Variants in AGO4 observed in about 807,000 individuals in gnomAD.
AGO4 encodes the protein argonaute RISC component 4.
AGO4 carries 33 observed loss-of-function variants against 104.7 expected under a neutral mutation model. The ratio of observed to expected loss-of-function variants is 0.32; its 90% CI spans 0.24 to 0.42. The LOEUF (loss-of-function observed/expected upper bound fraction) is 0.42. Among genes scored for constraint, AGO4 ranks in the 10% least tolerant of loss-of-function variants. The pLI is 1.00. For synonymous variants in AGO4, 331 were observed against 364.7 expected, an observed-to-expected ratio of 0.91 and a Z score of 1.05; for missense variants, 711 against 1,083.4, an observed-to-expected ratio of 0.66 and a Z score of 4.83.
At chr1:35,830,562 TA>T (rs1275909020) in intron 7 of AGO4, among the ~76,000 whole-genome samples, 3 of 152,258 alleles carry the variant, frequency 2.0e-5, no homozygotes. Context: ...AAATTCTTCT[TA>T]AATTTTAATT....
In AGO4 at chr1:35,833,336, G is replaced by A. The variant is rs189522005; in HGVS notation, c.1380-654G>A. 2.0e-3 allele frequency among the ~76,000 whole-genome samples: 309 copies of A among 152,070 alleles called. 1 individual carries two copies. The highest frequency in any genetic ancestry group is 3.8e-3 in the Non-Finnish European group (257 of 67,964). ...GAAGAGTGAAAAAAAATTAAGAAAA[G>A]GGAACTAGAGTGAAAGAAAGGAATT... On this transcript the variant is annotated intron_variant, in intron 11 of 17. Coordinates refer to ENST00000373210, the MANE Select transcript of AGO4 (RefSeq NM_017629.4).
rs1004506355 is a variant in AGO4 at position 35,841,916 on chromosome 1, A to G, written c.2175+166A>G. Among the ~76,000 whole-genome samples the G allele has an allele frequency of 4.0e-5, 6 of 151,590 alleles. No individual in the cohort carries two copies. Among genetic ancestry groups the G allele is most frequent in the African/African-American group, 1.2e-4 (5 of 41,254 alleles). On this transcript the variant is annotated intron_variant, in intron 15 of 17. Transcript: ENST00000373210. This position sits in a 1 kb window ranked among gnomAD's most constrained non-coding sequence, Gnocchi z 4.7. ...TAACTGCAGTTGGGTTTAGATGACC[A>G]ATTCTGAATGATACGAGTTTTGAGA... is the stretch of plus-strand genomic sequence containing the variant.
Position 35,855,407 on chromosome 1 carries a change from GTTTA to G in AGO4, c.*1803_*1806del, listed in dbSNP as rs1250725308. On this transcript the variant is annotated 3_prime_UTR_variant, in exon 18 of 18. Transcript: ENST00000373210. ...TATAAAGCACTGTTTTTCTTCAGTC[GTTTA>G]AATAAACTTGTAAATACATTGAAGT... The G allele has an allele frequency of 6.6e-6, 1 of 152,588 alleles. No individual in the cohort carries two copies. Among genetic ancestry groups the G allele is most frequent in the Non-Finnish European group, 1.5e-5 (1 of 68,046 alleles). 9.5% of individuals were successfully genotyped at this position (152,588 alleles called of 1,614,324 possible). A position where few individuals can be genotyped will look rare whatever the true frequency, so the allele number is the denominator to read the frequency against.
At chr1:35,816,840 G>GAAA in intron 1 of AGO4, 42 bp from the exon 2 acceptor site, 2 of 1,186,168 alleles carry the variant, frequency 1.7e-6, no homozygotes, top group Non-Finnish European at 2.3e-6. Context: ...GAAAGAAAAA[G>GAAA]AAAAAAAAAA....
chr1:35,823,542 C>T (rs750400115), intron 3 of AGO4, among the ~76,000 whole-genome samples: 29 of 152,210 alleles, frequency 1.9e-4, no homozygotes, highest in Non-Finnish European at 3.2e-4. Flanking sequence ...TCTCCGGCCT[C>T]AGCTTCCCAA....
In AGO4 at chr1:35,825,915, C is replaced by T. The variant is rs1278749223; in HGVS notation, c.626-11C>T. ...TTTCCCTGAAGTGAAGTATCCTTCT[C>T]TGTTTGTTAGTATCTGCAACTGCTT... On this transcript the variant is annotated splice_polypyrimidine_tract_variant and intron_variant, in intron 5 of 17. Transcript: ENST00000373210. 1.2e-6 allele frequency: 2 copies of T among 1,613,360 alleles called. No homozygotes were observed. Among genetic ancestry groups the T allele is most frequent in the Admixed American group, 1.7e-5 (1 of 59,806 alleles).
intron 1 of AGO4, among the ~76,000 whole-genome samples, chr1:35,810,217 T>G (rs1202520208): frequency 6.6e-6 from 1 of 152,232 alleles, no homozygotes; most frequent in Non-Finnish European, 1.5e-5. Context: ...AGCAAACTCC[T>G]TTTTTGGTGT....
At position 35,841,696 on chromosome 1, in the gene AGO4, T is replaced by C. The variant is rs1351198439; in HGVS notation, c.2121T>C (p.Ile707=). Residue 707 remains isoleucine (I), a synonymous_variant, in exon 15 of 18, where the codon ATT becomes ATC. Transcript: ENST00000373210. This position sits in a 1 kb window ranked among gnomAD's most constrained non-coding sequence, Gnocchi z 4.7. ...EEDYRPGITY[I]VVQKRHHTRL... is the part of the protein sequence containing the mutation. Reference sequence around the variant, plus strand: ...ATTACCGGCCAGGAATAACTTATATTGTGGTGCAAAAAAGACATCACACAC... The same window carrying C: ...ATTACCGGCCAGGAATAACTTATATCGTGGTGCAAAAAAGACATCACACAC... 1.9e-6 allele frequency: 3 copies of C among 1,613,920 alleles called. No homozygotes were observed. The highest frequency in any genetic ancestry group is 2.5e-6 in the Non-Finnish European group (3 of 1,179,972).
intron 11 of AGO4, among the ~76,000 whole-genome samples, chr1:35,833,382 C>A (rs1318337741): frequency 6.6e-6 from 1 of 152,090 alleles, no homozygotes; most frequent in Non-Finnish European, 1.5e-5. Flanking sequence ...TTGGCAAATG[C>A]ACCAAAGGAA....
intron 7 of AGO4, among the ~76,000 whole-genome samples, chr1:35,827,478 AC>A (rs1482077696): frequency 6.6e-6 from 1 of 151,918 alleles, no homozygotes; most frequent in Non-Finnish European, 1.5e-5. Flanking sequence ...CCAAGATCAC[AC>A]CTTGTACTCC....
intron 11 of AGO4, among the ~76,000 whole-genome samples, 159 bp from the exon 12 acceptor site, chr1:35,833,831 C>G (rs1644242633): frequency 6.6e-6 from 1 of 152,110 alleles, no homozygotes; most frequent in Admixed American, 6.6e-5. Context: ...ATTGCCAGTC[C>G]ATTTTTGGCA....
Position 35,836,003 on chromosome 1 carries a change from T to C in AGO4, c.1724+10T>C. The C allele has an allele frequency of 6.2e-7, 1 of 1,608,274 alleles. No homozygotes were observed. The highest frequency in any genetic ancestry group is 8.5e-7 in the Non-Finnish European group (1 of 1,178,262). The stretch of plus-strand genomic sequence containing the variant: ...TTGTGCCTCATCAAAGGTAAGATTC[T>C]GAATGCTTTCCCCACTTTTGTTTAA... On this transcript the variant is annotated intron_variant, in intron 13 of 17. Coordinates refer to ENST00000373210, the MANE Select transcript of AGO4 (RefSeq NM_017629.4).
intron 1 of AGO4, among the ~76,000 whole-genome samples, chr1:35,813,455 T>G (rs12089251): frequency 0.1 from 15,244 of 149,736 alleles, 1,224 homozygotes; most frequent in African/African-American, 0.23. Flanking sequence ...GTGCTTTTGC[T>G]TCATTGAAAA....
chr1:35,825,192 A>C, intron 3 of AGO4, 121 bp from the exon 4 acceptor site: 1 of 1,005,646 alleles, frequency 9.9e-7, no homozygotes, highest in Non-Finnish European at 1.5e-6. Flanking sequence ...CCAATGTTAC[A>C]CAATTGTAAA....
Position 35,808,640 on chromosome 1 carries a change from C to T in AGO4, c.19+205C>T, listed in dbSNP as rs1643381630. On this transcript the variant is annotated intron_variant, in intron 1 of 17. Coordinates refer to ENST00000373210, the MANE Select transcript of AGO4 (RefSeq NM_017629.4). The surrounding 1 kb of genome is among the most constrained non-coding windows in gnomAD (Gnocchi z 5.2). ...CCCCAGCCGGCCGTTGGGTGGATCC[C>T]GAGGTCCAGGGGGGAGGTTCGGGAA... Among the ~76,000 whole-genome samples the T allele has an allele frequency of 6.6e-6, 1 of 152,038 alleles. No individual in the cohort carries two copies. The highest frequency in any genetic ancestry group is 6.5e-5 in the Admixed American group (1 of 15,268).
At position 35,808,834 on chromosome 1, in the gene AGO4, A is replaced by C. The variant is rs1643393365; in HGVS notation, c.19+399A>C. 6.6e-6 allele frequency among the ~76,000 whole-genome samples: 1 copy of C among 152,228 alleles called. No individual in the cohort carries two copies. Among genetic ancestry groups the C allele is most frequent in the South Asian group, 2.1e-4 (1 of 4,834 alleles). On this transcript the variant is annotated intron_variant, in intron 1 of 17. Coordinates refer to ENST00000373210, the MANE Select transcript of AGO4 (RefSeq NM_017629.4). This position sits in a 1 kb window ranked among gnomAD's most constrained non-coding sequence, Gnocchi z 5.2. ...GAAAAGGGCCCCGCTGCCTACTACCAGCCGGTAGTCCTGGTTTGGGGCCGC... is the reference window on the plus strand; with the variant it reads ...GAAAAGGGCCCCGCTGCCTACTACCCGCCGGTAGTCCTGGTTTGGGGCCGC...
chr1:35,841,423 C>T lies in AGO4; in HGVS notation c.1983C>T (p.Phe661=). The change falls in exon 14 of 18, where the codon TTC becomes TTT. Residue 661 remains phenylalanine (F), a synonymous_variant. Coordinates refer to ENST00000373210, the MANE Select transcript of AGO4 (RefSeq NM_017629.4). This position sits in a 1 kb window ranked among gnomAD's most constrained non-coding sequence, Gnocchi z 4.7. ...LLIQFYKSTR[F]KPTRIIYYRG... is the part of the protein sequence containing the mutation. ...TTCAGTTCTACAAATCCACACGCTT[C>T]AAACCCACTCGGATCATCTATTACC... 1 of 1,614,190 alleles carries T rather than the reference C, an allele frequency of 6.2e-7. No homozygotes were observed. The highest frequency in any genetic ancestry group is 1.3e-5 in the African/African-American group (1 of 75,050).
In AGO4 at chr1:35,825,434, A is replaced by G. The variant is rs1643993995; in HGVS notation, c.428A>G (p.Glu143Gly). Residue 143 changes from glutamate (E) to glycine (G), a missense_variant, in exon 4 of 18, where the codon GAA (glutamate) becomes GGA (glycine). This residue lies in a region of AGO4 where 308 missense variants were observed against 397.8 expected (regional missense o/e 0.77). Transcript: ENST00000373210. ...LLEALAGHLN[E>G]VPDDSVQALD... The stretch of plus-strand genomic sequence containing the variant: ...GAAGCTTTGGCTGGGCACTTGAATG[A>G]AGTCCCAGATGACTCAGTACAAGCA... The G allele has an allele frequency of 9.3e-6, 15 of 1,614,086 alleles. No homozygotes were observed. The highest frequency in any genetic ancestry group is 1.3e-5 in the Non-Finnish European group (15 of 1,180,038).
chr1:35,823,284 GCT>G (rs1168282059), intron 3 of AGO4, among the ~76,000 whole-genome samples: 1 of 144,356 alleles, frequency 6.9e-6, no homozygotes, highest in East Asian at 2.0e-4. Context: ...ATGGGATCTC[GCT>G]CTGTCACCCA....
Sources: gnomAD v4.1 joint callset for allele counts (sites outside exome capture counted in the v4.1 genomes callset) on GRCh38, gnomAD v4.1.1 for gene constraint, gnomAD v4.1.1 regional missense constraint, Gnocchi (gnomAD v3.1) non-coding constraint, MANE v1.5 for transcripts, NCBI Gene and HGNC (gene_info 2026-07-23, HGNC 2026-07-21) for gene names.